Variants in WDR64 observed in about 807,000 individuals in gnomAD.
The protein encoded by WDR64 is WD repeat-containing protein 64.
A neutral mutation model predicts 139.3 loss-of-function variants in WDR64; 112 were observed. The ratio of observed to expected loss-of-function variants is 0.80; its 90% confidence interval spans 0.69 to 0.94. The LOEUF is 0.94. Among genes scored for constraint, WDR64 ranks in the 40% least tolerant of loss-of-function variants. The pLI, the probability that WDR64 is intolerant of heterozygous loss-of-function variation, is 0.00. For synonymous variants in WDR64, 444 were observed against 437.7 expected, an observed-to-expected ratio of 1.01 and a Z score of -0.18; for missense variants, 1,206 against 1,293.1, an observed-to-expected ratio of 0.93 and a Z score of 1.03.
intron 9 of WDR64, among the ~76,000 whole-genome samples, chr1:241,718,103 T>G (rs1668470719): frequency 2.0e-5 from 3 of 152,174 alleles, no homozygotes; most frequent in Admixed American, 6.6e-5. Flanking sequence ...TCAAAATACG[T>G]GTCCTTAACC....
intron 3 of WDR64, 31 bp downstream of exon 3, chr1:241,671,207 T>C (rs1221272502): frequency 7.3e-7 from 1 of 1,375,202 alleles, no homozygotes; most frequent in East Asian, 2.5e-5. Flanking sequence ...TCCAAATTAG[T>C]ATGAGTTTTA....
chr1:241,696,826 T>TTG (rs1411070123), intron 8 of WDR64, among the ~76,000 whole-genome samples: 1 of 152,172 alleles, frequency 6.6e-6, no homozygotes, highest in East Asian at 1.9e-4. Flanking sequence ...GACCTGTATC[T>TTG]TGTGTTGACC....
At chr1:241,670,659 G>GT (rs1415349418) in intron 2 of WDR64, among the ~76,000 whole-genome samples, 2 of 152,240 alleles carry the variant, frequency 1.3e-5, no homozygotes, top group African/African-American at 4.8e-5. Context: ...GAGGTGATCA[G>GT]TGGGGGAGAG....
intron 16 of WDR64, among the ~76,000 whole-genome samples, chr1:241,767,403 T>C (rs1658223584): frequency 1.3e-5 from 2 of 152,096 alleles, no homozygotes; most frequent in African/African-American, 4.8e-5. Flanking sequence ...TTTGGATGGA[T>C]TGTAAGTAAT....
At position 241,693,841 on chromosome 1, in the gene WDR64, A is replaced by G. The variant is rs144820501; in HGVS notation, c.974+6246A>G. ...CTAAAAAAAAGATTGGTTAAAACAT[A>G]TAACCCTTCTCTGGTGATTTAATTC... On this transcript the variant is annotated intron_variant, in intron 8 of 27. Transcript: ENST00000437684. 3.1e-3 allele frequency among the ~76,000 whole-genome samples: 465 copies of G among 152,368 alleles called. 1 individual carries two copies. Among genetic ancestry groups the G allele is most frequent in the Middle Eastern group, 0.014 (4 of 294 alleles).
At chr1:241,776,330 C>T (rs958938014) in intron 21 of WDR64, among the ~76,000 whole-genome samples, 10 of 152,126 alleles carry the variant, frequency 6.6e-5, no homozygotes, top group African/African-American at 2.4e-4. Context: ...CTGCCCACCT[C>T]AGCTTCCCAA....
chr1:241,689,387 G>A (rs368194117), intron 8 of WDR64, among the ~76,000 whole-genome samples: 39 of 152,222 alleles, frequency 2.6e-4, no homozygotes, highest in African/African-American at 8.2e-4. Context: ...AAAATAAAAA[G>A]ATGCAGAAAG....
chr1:241,761,358 A>G (rs1234791912), intron 15 of WDR64, among the ~76,000 whole-genome samples: 1 of 152,166 alleles, frequency 6.6e-6, no homozygotes, highest in African/African-American at 2.4e-5. Flanking sequence ...ATGACCTTTA[A>G]TATAGCCCCA....
chr1:241,723,239 C>T, intron 9 of WDR64, 58 bp from the exon 10 acceptor site: 2 of 1,597,084 alleles, frequency 1.3e-6, no homozygotes, highest in African/African-American at 1.3e-5. Context: ...GTGAGAGATA[C>T]ATTTGAAACT....
intron 8 of WDR64, among the ~76,000 whole-genome samples, chr1:241,697,338 CT>C (rs1367729710): frequency 6.6e-6 from 1 of 152,182 alleles, no homozygotes; most frequent in Non-Finnish European, 1.5e-5. Flanking sequence ...ACCTATTCTT[CT>C]TTTCTTTTTG....
In WDR64 at chr1:241,770,612, C is replaced by T. The variant is rs1658392084; in HGVS notation, c.2184-9C>T. 1 of 1,549,172 alleles carries T rather than the reference C, an allele frequency of 6.5e-7. No individual in the cohort carries two copies. The highest frequency in any genetic ancestry group is 8.7e-7 in the Non-Finnish European group (1 of 1,145,856). ...GTTTTACCTGTGGGCTTCCCCACTC[C>T]CCTTATAGGAGATCAAGTCAGGATT... On this transcript the variant is annotated splice_polypyrimidine_tract_variant and intron_variant, in intron 17 of 27. Transcript: ENST00000437684.
chr1:241,725,440 C>G (rs544765792), intron 10 of WDR64, among the ~76,000 whole-genome samples: 1 of 152,082 alleles, frequency 6.6e-6, no homozygotes, highest in African/African-American at 2.4e-5. Flanking sequence ...TCGTACACCC[C>G]CTACCCCTCA....
chr1:241,749,846 C>T (rs1202686503), intron 14 of WDR64, 124 bp downstream of exon 14: 1 of 1,134,444 alleles, frequency 8.8e-7, no homozygotes, highest in African/African-American at 1.6e-5. Flanking sequence ...TATTTATCCT[C>T]AGCCTTCCCG....
chr1:241,748,744 C>A (rs965292496), intron 13 of WDR64, among the ~76,000 whole-genome samples: 1 of 152,004 alleles, frequency 6.6e-6, no homozygotes, highest in Non-Finnish European at 1.5e-5. Flanking sequence ...TCGAGACCAT[C>A]CTGGCTAACA....
intron 13 of WDR64, among the ~76,000 whole-genome samples, chr1:241,746,526 A>T (rs561233553): frequency 6.4e-4 from 83 of 129,248 alleles, no homozygotes; most frequent in African/African-American, 3.6e-3. Flanking sequence ...GTGGTGTTTT[A>T]AAAAAAAAAG....
chr1:241,652,373 C>A lies in WDR64; in HGVS notation c.-112C>A. On this transcript the variant is annotated 5_prime_UTR_variant, in exon 1 of 28. Coordinates refer to ENST00000437684, the MANE Select transcript of WDR64 (RefSeq NM_001367482.1). ...GATTTTAAGATCAAAGGAATTAGAC[C>A]TAGGGCAAAAACTGAGACAGCAGGG... is the stretch of plus-strand genomic sequence containing the variant. 1 of 1,151,158 alleles carries A rather than the reference C, an allele frequency of 8.7e-7. No individual in the cohort carries two copies. The highest frequency in any genetic ancestry group is 1.2e-6 in the Non-Finnish European group (1 of 830,250). 71.3% of individuals were successfully genotyped at this position (1,151,158 alleles called of 1,614,324 possible).
intron 23 of WDR64, among the ~76,000 whole-genome samples, chr1:241,784,875 A>G (rs1195029632): frequency 6.9e-6 from 1 of 145,708 alleles, no homozygotes; most frequent in Non-Finnish European, 1.5e-5. Flanking sequence ...AATCACTTGA[A>G]CCTGGGAGGC....
chr1:241,715,084 T>G (rs571005158), intron 9 of WDR64, among the ~76,000 whole-genome samples: 1 of 152,176 alleles, frequency 6.6e-6, no homozygotes. Context: ...AAGACTCAAG[T>G]GAGGACATGA....
chr1:241,679,556 CATT>C lies in WDR64; in HGVS notation c.589_591del (p.Ile197del). ...GAATCGTAGCCACAACCGAAAGGAC[CATT>C]ATTGTCTGGGATTATAAAGCTCAAG... On this transcript the variant is annotated inframe_deletion, in exon 6 of 28. Transcript: ENST00000437684. 5 of 1,551,822 alleles carry C rather than the reference CATT, an allele frequency of 3.2e-6. No homozygotes were observed. The South Asian group carries it at 5.9e-5, about 18-fold the overall frequency.
Sources: gnomAD v4.1 joint callset for allele counts (sites outside exome capture counted in the v4.1 genomes callset) on GRCh38, gnomAD v4.1.1 for gene constraint, MANE v1.5 for transcripts, NCBI Gene and HGNC (gene_info 2026-07-23, HGNC 2026-07-21) for gene names.